The following TSNARE1 variants were observed in gnomAD, a reference collection of about 807,000 sequenced individuals.
TSNARE1 encodes t-SNARE domain-containing protein 1.
A neutral mutation model predicts 62.0 loss-of-function variants in TSNARE1; 49 were observed. That is an observed-to-expected ratio of 0.79 (90% CI 0.63 to 1.00). The LOEUF (loss-of-function observed/expected upper bound fraction) is 1.00. TSNARE1 is among the 50% of genes least tolerant of loss of function. The pLI, the probability that TSNARE1 is intolerant of heterozygous loss-of-function variation, is 0.00. For synonymous variants in TSNARE1, 328 were observed against 294.4 expected, an observed-to-expected ratio of 1.11 and a Z score of -1.17; for missense variants, 755 against 700.1, an observed-to-expected ratio of 1.08 and a Z score of -0.88.
intron 1 of TSNARE1, among the ~76,000 whole-genome samples, chr8:142,378,382 T>G (rs1836494256): frequency 6.6e-6 from 1 of 152,150 alleles, no homozygotes; most frequent in Non-Finnish European, 1.5e-5. Context: ...CACAAGGGAC[T>G]CTCTTGGGGT....
At chr8:142,251,771 C>T (rs1483649115) in intron 12 of TSNARE1, among the ~76,000 whole-genome samples, 6 of 148,350 alleles carry the variant, frequency 4.0e-5, no homozygotes, top group Non-Finnish European at 6.0e-5. Flanking sequence ...CACCATGTAC[C>T]CGCCGCCCAC....
At chr8:142,343,392 C>T (rs905976244) in intron 4 of TSNARE1, among the ~76,000 whole-genome samples, 5 of 151,756 alleles carry the variant, frequency 3.3e-5, no homozygotes, top group Non-Finnish European at 4.4e-5. Context: ...AACATGAGCA[C>T]GCGTGGCCAT....
chr8:142,397,402 C>G (rs1381151028), intron 1 of TSNARE1, among the ~76,000 whole-genome samples: 1 of 152,184 alleles, frequency 6.6e-6, no homozygotes, highest in South Asian at 2.1e-4. Context: ...GGGACAGACA[C>G]AATGCTGCCC....
intron 2 of TSNARE1, among the ~76,000 whole-genome samples, chr8:142,351,544 A>G (rs1009998891): frequency 1.3e-5 from 2 of 152,202 alleles, no homozygotes; most frequent in Non-Finnish European, 2.9e-5. Context: ...TAAAGAAATC[A>G]CTTCTCCCCA....
At chr8:142,234,135 G>A (rs148775181) in intron 12 of TSNARE1, among the ~76,000 whole-genome samples, 204 of 152,346 alleles carry the variant, frequency 1.3e-3, no homozygotes, top group Middle Eastern at 0.01. Context: ...ATGCATTCAG[G>A]GAAGGTTCCA....
Position 142,345,773 on chromosome 8 carries a change from T to C in TSNARE1, c.208A>G (p.Thr70Ala), listed in dbSNP as rs1465993686. The C allele has an allele frequency of 6.2e-7, 1 of 1,613,152 alleles. No individual in the cohort carries two copies. The highest frequency in any genetic ancestry group is 1.1e-5 in the South Asian group (1 of 90,940). The change falls in exon 3 of 14, where the codon ACG becomes GCG. Residue 70 changes from threonine to alanine, a missense_variant. Coordinates refer to ENST00000524325, the MANE Select transcript of TSNARE1 (RefSeq NM_145003.5). ...DGEGDLGPAG[T>A]PIVPRARKRG... is the part of the protein sequence containing the mutation. Reference sequence around the variant, plus strand: ...TTCCTGGCCCTTGGGACAATAGGCGTGCCTGCTGGCCCCAGATCACCTTCC... The same window carrying C: ...TTCCTGGCCCTTGGGACAATAGGCGCGCCTGCTGGCCCCAGATCACCTTCC...
At chr8:142,288,446 C>A (rs992606890) in intron 10 of TSNARE1, among the ~76,000 whole-genome samples, 1 of 152,244 alleles carries the variant, frequency 6.6e-6, no homozygotes. Context: ...GGGAGGCCCC[C>A]GGAGGCAGTG....
intron 1 of TSNARE1, among the ~76,000 whole-genome samples, chr8:142,363,736 C>A (rs76917128): frequency 0.026 from 3,973 of 152,216 alleles, 55 homozygotes; most frequent in East Asian, 0.069. Flanking sequence ...CCCACAGAAC[C>A]CACCAAAACG....
intron 9 of TSNARE1, among the ~76,000 whole-genome samples, chr8:142,312,567 C>T (rs1221264183): frequency 1.3e-5 from 2 of 152,126 alleles, no homozygotes; most frequent in Non-Finnish European, 2.9e-5. Flanking sequence ...CTGGGTGGGC[C>T]TTAAAATCCA....
At chr8:142,393,591 C>T (rs35755256) in intron 1 of TSNARE1, among the ~76,000 whole-genome samples, 2 of 152,224 alleles carry the variant, frequency 1.3e-5, no homozygotes, top group South Asian at 2.1e-4. Context: ...AGATGCCAAA[C>T]GCCACGCCCG....
chr8:142,345,892 T>C lies in TSNARE1; in HGVS notation c.89A>G (p.Glu30Gly). The C allele has an allele frequency of 6.2e-7, 1 of 1,612,986 alleles. No homozygotes were observed. Among genetic ancestry groups the C allele is most frequent in the African/African-American group, 1.3e-5 (1 of 74,998 alleles). ...ATACTCGGTCCAACATCTAGCGCACTCTACGGACAGCAAGGGACAGTCACG... is the reference window on the plus strand; with the variant it reads ...ATACTCGGTCCAACATCTAGCGCACCCTACGGACAGCAAGGGACAGTCACG... ...GPSRQGCQPL[E>G]CARCWTEYGI... The change falls in exon 3 of 14, where the codon GAG (glutamate) becomes GGG (glycine). Residue 30 changes from glutamate to glycine, a missense_variant and splice_region_variant. Physicochemically the swap from Glu to Gly is moderately conservative, Grantham distance 98 (BLOSUM62 -2). Transcript: ENST00000524325.
At position 142,319,201 on chromosome 8, in the gene TSNARE1, C is replaced by T. The variant is rs1164701727; in HGVS notation, c.894-567G>A. 2.0e-5 allele frequency among the ~76,000 whole-genome samples: 3 copies of T among 152,160 alleles called. No homozygotes were observed. The highest frequency in any genetic ancestry group is 3.9e-4 in the East Asian group (2 of 5,134). ...ACCCCACAGACAGGAGGCTGAGCCA[C>T]GAGCCCTCCCTGCAGAAAGGCCCGT... On this transcript the variant is annotated intron_variant, in intron 6 of 13. Coordinates refer to ENST00000524325, the MANE Select transcript of TSNARE1 (RefSeq NM_145003.5). This position sits in a 1 kb window ranked among gnomAD's most constrained non-coding sequence, Gnocchi z 4.9.
rs561536488 is a variant in TSNARE1, at chr8:142,382,968, G to A, written c.-40+20136C>T. Among the ~76,000 whole-genome samples, 20 of 152,182 alleles carry A rather than the reference G, an allele frequency of 1.3e-4. 1 individual carries two copies. The South Asian group carries it at 2.3e-3, about 17-fold the overall frequency. ...CTGTGCTGGAAGCACAGCCCCAGCC[G>A]AGCAGGGTCTGGGGGGAAAGGAGGG... On this transcript the variant is annotated intron_variant, in intron 1 of 13. Transcript: ENST00000524325.
At chr8:142,352,789 G>T (rs1326220375) in intron 2 of TSNARE1, among the ~76,000 whole-genome samples, 6 of 152,202 alleles carry the variant, frequency 3.9e-5, no homozygotes, top group African/African-American at 4.8e-5. Context: ...GCAAGATGCG[G>T]CACATACACA....
intron 10 of TSNARE1, 112 bp from the exon 11 acceptor site, chr8:142,284,597 CA>C (rs1822367683): frequency 3.7e-6 from 3 of 818,512 alleles, no homozygotes; most frequent in Admixed American, 3.8e-5. Context: ...CCTGCAGAAT[CA>C]GGAACCAGAG....
At position 142,272,618 on chromosome 8, in the gene TSNARE1, C is replaced by CTCCT; in HGVS notation, c.1446+2159_1446+2162dup. 5.4e-6 allele frequency: 2 copies of CTCCT among 371,350 alleles called. 1 individual carries two copies. Among genetic ancestry groups the CTCCT allele is most frequent in the Non-Finnish European group, 6.2e-6 (2 of 321,474 alleles). 23.0% of individuals were successfully genotyped at this position (371,350 alleles called of 1,614,324 possible). Reference sequence around the variant, plus strand: ...CATCCACCCACCCATCTACACCTTCCTCCTTCCATCCATCCACCCGCCCAT... The same window carrying CTCCT: ...CATCCACCCACCCATCTACACCTTCCTCCTTCCTTCCATCCATCCACCCGCCCAT... On this transcript the variant is annotated intron_variant, in intron 12 of 13. Transcript: ENST00000524325.
intron 12 of TSNARE1, among the ~76,000 whole-genome samples, chr8:142,261,458 T>G: frequency 1.4e-5 from 2 of 147,194 alleles, no homozygotes. Context: ...GGAGGGAGAG[T>G]GGTGAACACC....
intron 2 of TSNARE1, among the ~76,000 whole-genome samples, chr8:142,352,064 C>T (rs979743461): frequency 2.0e-5 from 3 of 152,250 alleles, no homozygotes; most frequent in Admixed American, 6.5e-5. Flanking sequence ...ATCAACTCAA[C>T]GCTGCCCTGG....
chr8:142,272,073 C>T (rs59912412), intron 12 of TSNARE1, among the ~76,000 whole-genome samples: 2,706 of 152,144 alleles, frequency 0.018, 74 homozygotes, highest in African/African-American at 0.061. Flanking sequence ...ATAGACACGC[C>T]CACCACATCC....
Sources: gnomAD v4.1 joint callset for allele counts (sites outside exome capture counted in the v4.1 genomes callset) on GRCh38, gnomAD v4.1.1 for gene constraint, Gnocchi (gnomAD v3.1) non-coding constraint, MANE v1.5 for transcripts, NCBI Gene and HGNC (gene_info 2026-07-23, HGNC 2026-07-21) for gene names.